HDAC4: variants seen among roughly 807,000 people sequenced by gnomAD.
HDAC4 encodes the protein histone deacetylase A.
HDAC4 carries 16 observed loss-of-function variants against 135.1 expected under a neutral mutation model. The observed-to-expected ratio is 0.12, with a 90% CI of 0.08 to 0.18. The LOEUF is 0.18. HDAC4 is among the 10% of genes least tolerant of loss of function. The probability of loss-of-function intolerance (pLI) is 1.00; values close to 1 mark genes in which losing one functional copy is unlikely to be tolerated. For missense variants in HDAC4, 1,143 were observed against 1,511.8 expected, an observed-to-expected ratio of 0.76 and a Z score of 4.05; for synonymous variants, 685 against 653.4, an observed-to-expected ratio of 1.05 and a Z score of -0.74.
At chr2:239,180,597 T>C (rs925234096) in intron 4 of HDAC4, among the ~76,000 whole-genome samples, 2 of 152,252 alleles carry the variant, frequency 1.3e-5, no homozygotes, top group African/African-American at 4.8e-5. Flanking sequence ...CATTCTTCCA[T>C]TCTGTAAGTA....
At chr2:239,107,866 G>A (rs990582493) in intron 15 of HDAC4, among the ~76,000 whole-genome samples, 184 bp downstream of exon 15, 8 of 152,226 alleles carry the variant, frequency 5.3e-5, no homozygotes, top group Non-Finnish European at 1.0e-4. Flanking sequence ...AGACAGCCCC[G>A]GGCTTCTCAG....
intron 1 of HDAC4, among the ~76,000 whole-genome samples, chr2:239,370,952 G>A (rs1414268207): frequency 6.6e-6 from 1 of 151,338 alleles, no homozygotes; most frequent in Admixed American, 6.6e-5. Context: ...TAGGGCAATT[G>A]CTCTAACCCT....
At chr2:239,098,095 A>T (rs1017200989) in intron 16 of HDAC4, among the ~76,000 whole-genome samples, 2 of 152,248 alleles carry the variant, frequency 1.3e-5, no homozygotes, top group Non-Finnish European at 2.9e-5. Flanking sequence ...GACTGTTTTG[A>T]GTTTGCTCAT....
intron 2 of HDAC4, among the ~76,000 whole-genome samples, chr2:239,290,046 C>T (rs187687205): frequency 3.9e-4 from 59 of 152,216 alleles, no homozygotes; most frequent in African/African-American, 1.2e-3. Context: ...AATCCAATTA[C>T]GGCAAATAAA....
rs1355987430 is a variant in HDAC4, at chr2:239,171,995, G to A, written c.490+4418C>T. ...ATTAAGGTAAACAAAGAATATCACA[G>A]ATGAAAGTTCAGACATGCAGAAATT... On this transcript the variant is annotated intron_variant, in intron 5 of 26. Transcript: ENST00000543185. Among the ~76,000 whole-genome samples, 5 of 152,060 alleles carry A rather than the reference G, an allele frequency of 3.3e-5. No individual in the cohort carries two copies. The East Asian group carries it at 9.6e-4, about 29-fold the overall frequency.
At chr2:239,067,070 T>C in intron 23 of HDAC4, 2 of 633,140 alleles carry the variant, frequency 3.2e-6, no homozygotes, top group Non-Finnish European at 5.6e-6. Context: ...TTCAATGCTT[T>C]GATTTTTAAT....
chr2:239,354,967 T>TC (rs1298822991), intron 1 of HDAC4, among the ~76,000 whole-genome samples: 3 of 152,028 alleles, frequency 2.0e-5, no homozygotes, highest in Non-Finnish European at 4.4e-5. Flanking sequence ...TGGATGTCAT[T>TC]CCCCCCTCAA....
chr2:239,347,207 A>G (rs1407225782), intron 2 of HDAC4, among the ~76,000 whole-genome samples: 1 of 152,246 alleles, frequency 6.6e-6, no homozygotes, highest in Non-Finnish European at 1.5e-5. Context: ...ATATTAAAAT[A>G]TAATAATCTT....
intron 1 of HDAC4, among the ~76,000 whole-genome samples, chr2:239,395,677 CG>C (rs1696513343): frequency 1.3e-5 from 2 of 152,136 alleles, no homozygotes; most frequent in Admixed American, 6.5e-5. Context: ...AGGAGTGGCC[CG>C]GGGACTGCTC....
At chr2:239,064,979 G>A (rs1408941605) in intron 24 of HDAC4, among the ~76,000 whole-genome samples, 1 of 152,226 alleles carries the variant, frequency 6.6e-6, no homozygotes, top group African/African-American at 2.4e-5. Context: ...CCCCGCGAGC[G>A]CCGTGCTTAA....
At chr2:239,318,098 C>G (rs1179067619) in intron 2 of HDAC4, among the ~76,000 whole-genome samples, 1 of 152,182 alleles carries the variant, frequency 6.6e-6, no homozygotes, top group Admixed American at 6.5e-5. Flanking sequence ...ATCAATGATG[C>G]TGAGACTTGT....
intron 4 of HDAC4, among the ~76,000 whole-genome samples, chr2:239,185,232 G>T (rs1207306493): frequency 6.6e-6 from 1 of 151,498 alleles, no homozygotes; most frequent in Non-Finnish European, 1.5e-5. Flanking sequence ...GGGTTGCCCT[G>T]TATCTCCTGG....
At chr2:239,334,567 C>T (rs1202613215) in intron 2 of HDAC4, among the ~76,000 whole-genome samples, 2 of 151,298 alleles carry the variant, frequency 1.3e-5, no homozygotes, top group African/African-American at 4.9e-5. Context: ...CTGAAAATTA[C>T]AAAATATGAT....
intron 3 of HDAC4, among the ~76,000 whole-genome samples, chr2:239,208,498 G>A (rs577317676): frequency 2.2e-4 from 33 of 152,116 alleles, no homozygotes; most frequent in African/African-American, 7.7e-4. Context: ...ATAAAAGAGC[G>A]CTTCTTTAAC....
rs1345261973 is a variant in HDAC4 at position 239,239,448 on chromosome 2, C to T, written c.23-2784G>A. Reference sequence around the variant, plus strand: ...GAACATGCTGCTCCTCTCGTCTCTGCGTCCTGGTGACTGGCCCCATCCCGA... The same window carrying T: ...GAACATGCTGCTCCTCTCGTCTCTGTGTCCTGGTGACTGGCCCCATCCCGA... On this transcript the variant is annotated intron_variant, in intron 2 of 26. Transcript: ENST00000543185. Among the ~76,000 whole-genome samples the T allele has an allele frequency of 3.3e-5, 5 of 152,176 alleles. No individual in the cohort carries two copies. The East Asian group carries it at 5.8e-4, about 18-fold the overall frequency.
intron 6 of HDAC4, among the ~76,000 whole-genome samples, chr2:239,160,600 C>T (rs538866375): frequency 3.9e-5 from 6 of 152,364 alleles, no homozygotes; most frequent in South Asian, 2.1e-4. Flanking sequence ...GTCTAGGCAC[C>T]GTGCCTCTGG....
chr2:239,352,567 C>T lies in HDAC4; in HGVS notation c.22+111G>A. 9.5e-7 allele frequency: 1 copy of T among 1,056,916 alleles called. No individual in the cohort carries two copies. Among genetic ancestry groups the T allele is most frequent in the South Asian group, 1.3e-5 (1 of 74,156 alleles). 65.5% of individuals were successfully genotyped at this position (1,056,916 alleles called of 1,614,324 possible). On this transcript the variant is annotated intron_variant, in intron 2 of 26. Coordinates refer to ENST00000543185, the MANE Select transcript of HDAC4 (RefSeq NM_001378414.1). This position sits in a 1 kb window ranked among gnomAD's most constrained non-coding sequence, Gnocchi z 4.4. Reference sequence around the variant, plus strand: ...GTCAAAAACCAACAGTGACCACTATCAAGAAAAACAAAAGTCTCAAATCCA... The same window carrying T: ...GTCAAAAACCAACAGTGACCACTATTAAGAAAAACAAAAGTCTCAAATCCA...
At chr2:239,195,363 A>T (rs3791578) in intron 3 of HDAC4, among the ~76,000 whole-genome samples, 2 of 152,312 alleles carry the variant, frequency 1.3e-5, no homozygotes, top group Admixed American at 1.3e-4. Flanking sequence ...GTTGGATTCA[A>T]TAACACAAAT....
chr2:239,178,344 C>T (rs761752406), intron 4 of HDAC4, among the ~76,000 whole-genome samples: 2 of 152,134 alleles, frequency 1.3e-5, no homozygotes, highest in Non-Finnish European at 2.9e-5. Flanking sequence ...AATCATAGCT[C>T]ACTGTAAGCT....
Sources: allele counts gnomAD v4.1 joint callset (sites outside exome capture counted in the v4.1 genomes callset), GRCh38; gene constraint gnomAD v4.1.1; non-coding constraint Gnocchi (gnomAD v3.1); transcripts MANE v1.5; gene names NCBI Gene and HGNC (gene_info 2026-07-23, HGNC 2026-07-21).